The following NTN1 variants were observed in gnomAD, a reference collection of about 807,000 sequenced individuals.
NTN1 encodes netrin 1, also known as netrin-1.
A neutral mutation model predicts 54.2 loss-of-function variants in NTN1; 11 were observed. The ratio of observed to expected loss-of-function variants is 0.20; its 90% CI spans 0.13 to 0.34. The LOEUF is 0.34. Among genes scored for constraint, NTN1 ranks in the 10% least tolerant of loss-of-function variants. The pLI is 1.00. For missense variants in NTN1, 740 were observed against 893.1 expected, an observed-to-expected ratio of 0.83 and a Z score of 2.18; for synonymous variants, 371 against 382.0, an observed-to-expected ratio of 0.97 and a Z score of 0.33.
intron 3 of NTN1, among the ~76,000 whole-genome samples, chr17:9,168,646 G>A (rs1269828069): frequency 1.3e-5 from 2 of 152,212 alleles, no homozygotes; most frequent in Admixed American, 6.5e-5. Flanking sequence ...GCACGTGTGT[G>A]TGTGAATATG....
chr17:9,034,179 C>T (rs1325256992), intron 2 of NTN1, among the ~76,000 whole-genome samples: 1 of 152,030 alleles, frequency 6.6e-6, no homozygotes, highest in African/African-American at 2.4e-5. Context: ...AGCTCAAGAC[C>T]ACCTTGATAG....
chr17:9,028,416 G>A (rs1398588577), intron 2 of NTN1, among the ~76,000 whole-genome samples: 1 of 152,094 alleles, frequency 6.6e-6, no homozygotes, highest in South Asian at 2.1e-4. Context: ...CAAGGAGGCC[G>A]CTCCCTGCTC....
At chr17:9,129,854 C>G (rs773795959) in intron 2 of NTN1, among the ~76,000 whole-genome samples, 1 of 152,136 alleles carries the variant, frequency 6.6e-6, no homozygotes, top group Non-Finnish European at 1.5e-5. Context: ...GGTGTGGGAA[C>G]GTGTGCAACT....
intron 2 of NTN1, among the ~76,000 whole-genome samples, chr17:9,110,337 T>C (rs1597490928): frequency 6.6e-6 from 1 of 151,746 alleles, no homozygotes; most frequent in Non-Finnish European, 1.5e-5. Flanking sequence ...TGATGCGATC[T>C]TGGCTCACTG....
intron 2 of NTN1, among the ~76,000 whole-genome samples, chr17:9,104,719 C>T (rs1285385713): frequency 6.6e-6 from 1 of 152,250 alleles, no homozygotes; most frequent in Non-Finnish European, 1.5e-5. Context: ...ACACCCTGGT[C>T]TGGCCTTTTT....
the NTN1 span, among the ~76,000 whole-genome samples, chr17:9,005,204 C>A: frequency 5.9e-5 from 9 of 152,326 alleles, no homozygotes; most frequent in Non-Finnish European, 1.0e-4. Flanking sequence ...CCCCTTGTGG[C>A]TTTCGGGTTC....
At chr17:9,008,143 T>C in the NTN1 span, among the ~76,000 whole-genome samples, 25 of 152,192 alleles carry the variant, frequency 1.6e-4, no homozygotes, top group African/African-American at 6.0e-4. Flanking sequence ...TAATGGCTTA[T>C]TAACAATACA....
At chr17:9,216,574 A>G (rs961944340) in intron 5 of NTN1, among the ~76,000 whole-genome samples, 125 of 152,130 alleles carry the variant, frequency 8.2e-4, no homozygotes, top group African/African-American at 2.9e-3. Context: ...TACTGGTGCA[A>G]TGGCTGGATT....
intron 2 of NTN1, among the ~76,000 whole-genome samples, chr17:9,137,217 A>G (rs181376617): frequency 1.9e-4 from 29 of 152,260 alleles, no homozygotes; most frequent in Admixed American, 1.6e-3. Context: ...TTGTTCATGC[A>G]TCGTCTCCCA....
At chr17:9,030,034 C>G (rs2091884263) in intron 2 of NTN1, among the ~76,000 whole-genome samples, 1 of 152,116 alleles carries the variant, frequency 6.6e-6, no homozygotes, top group African/African-American at 2.4e-5. Flanking sequence ...AATTTCCCCC[C>G]ACATCAAAAG....
In NTN1 at chr17:9,193,939, A is replaced by AAAAC. The variant is rs1277346014; in HGVS notation, c.1411+10973_1411+10974insCAAA. Among the ~76,000 whole-genome samples the AAAAC allele has an allele frequency of 4.2e-3, 342 of 81,758 alleles. 8 individuals are homozygous for AAAAC. Among genetic ancestry groups the AAAAC allele is most frequent in the African/African-American group, 0.012 (325 of 26,952 alleles). The allele number at this position is 81,758 out of a possible 152,430, so 53.6% of individuals were successfully genotyped here. On this transcript the variant is annotated intron_variant, in intron 5 of 6. Coordinates refer to ENST00000173229, the MANE Select transcript of NTN1 (RefSeq NM_004822.3). ...TCCGACTAAAAAAAAAAAAAAAAAA[A>AAAAC]AAAAACATTATGCAGGTTGGGCGCA...
intron 6 of NTN1, among the ~76,000 whole-genome samples, chr17:9,233,415 G>A (rs570589868): frequency 6.6e-6 from 1 of 152,124 alleles, no homozygotes; most frequent in East Asian, 1.9e-4. Flanking sequence ...GGCCCGGGCG[G>A]GGAGCTTTGA....
At chr17:9,114,315 A>C (rs2092203488) in intron 2 of NTN1, among the ~76,000 whole-genome samples, 1 of 150,872 alleles carries the variant, frequency 6.6e-6, no homozygotes, top group African/African-American at 2.4e-5. Context: ...TACTTAGAAA[A>C]AGCTTTGCAT....
intron 5 of NTN1, among the ~76,000 whole-genome samples, chr17:9,205,888 G>A (rs1904955894): frequency 6.6e-6 from 1 of 152,262 alleles, no homozygotes; most frequent in South Asian, 2.1e-4. Context: ...ATGTGGCTGT[G>A]CAGCTTACTC....
chr17:9,103,125 A>C (rs1287893337), intron 2 of NTN1, among the ~76,000 whole-genome samples: 1 of 152,152 alleles, frequency 6.6e-6, no homozygotes, highest in East Asian at 1.9e-4. Flanking sequence ...TTTCTGACCA[A>C]TTTGATATGT....
intron 3 of NTN1, chr17:9,176,861 A>G (rs1272742135): frequency 6.6e-6 from 1 of 152,318 alleles, no homozygotes; most frequent in African/African-American, 2.4e-5. Context: ...TTTCTCCTGC[A>G]GTTGTCTTTT....
At position 9,114,156 on chromosome 17, in the gene NTN1, A is replaced by T. The variant is rs1227520654; in HGVS notation, c.1019-48657A>T. The stretch of plus-strand genomic sequence containing the variant: ...TAGCCTGGGTGCCAAAAAAAAAGAA[A>T]AAAAAAAAAAATATATATATATATA... On this transcript the variant is annotated intron_variant, in intron 2 of 6. Coordinates refer to ENST00000173229, the MANE Select transcript of NTN1 (RefSeq NM_004822.3). Among the ~76,000 whole-genome samples, 549 of 86,964 alleles carry T rather than the reference A, an allele frequency of 6.3e-3. 5 individuals are homozygous for T. Among genetic ancestry groups the T allele is most frequent in the African/African-American group, 0.021 (482 of 22,568 alleles). The allele number at this position is 86,964 out of a possible 152,430, so 57.1% of individuals were successfully genotyped here. A position where few individuals can be genotyped will look rare whatever the true frequency, so the allele number is the denominator to read the frequency against.
chr17:9,083,095 GT>G lies in NTN1; in HGVS notation c.1018+59714del, dbSNP rs972505551. ...TTGGCCTTGGGGGGATTGTCCGTGG[GT>G]TTTTTTTTTCTTCTTCTTCTGAGAT... is the stretch of plus-strand genomic sequence containing the variant. On this transcript the variant is annotated intron_variant, in intron 2 of 6. Coordinates refer to ENST00000173229, the MANE Select transcript of NTN1 (RefSeq NM_004822.3). Among the ~76,000 whole-genome samples, 150 of 149,144 alleles carry G rather than the reference GT, an allele frequency of 1.0e-3. 1 individual carries two copies. Among genetic ancestry groups the G allele is most frequent in the Non-Finnish European group, 6.9e-4 (46 of 66,942 alleles).
chr17:9,075,541 G>A (rs775665287), intron 2 of NTN1, among the ~76,000 whole-genome samples: 8 of 152,072 alleles, frequency 5.3e-5, no homozygotes, highest in Non-Finnish European at 1.2e-4. Flanking sequence ...TAAATAAAAC[G>A]GGGCTCTATG....
Sources: gnomAD v4.1 joint callset for allele counts (sites outside exome capture counted in the v4.1 genomes callset) on GRCh38, gnomAD v4.1.1 for gene constraint, MANE v1.5 for transcripts, NCBI Gene and HGNC (gene_info 2026-07-23, HGNC 2026-07-21) for gene names.